RTTN: variants seen among roughly 807,000 people sequenced by gnomAD.
The protein encoded by RTTN is rotatin.
Under a neutral mutation model 269.2 loss-of-function variants are expected in RTTN, and 182 were observed. That is an observed-to-expected ratio of 0.68 (90% CI 0.60 to 0.76). The LOEUF (loss-of-function observed/expected upper bound fraction) is 0.76. Among genes scored for constraint, RTTN ranks in the 30% least tolerant of loss-of-function variants. The pLI, the probability that RTTN is intolerant of heterozygous loss-of-function variation, is 0.00. For missense variants in RTTN, 2,545 were observed against 2,608.6 expected, an observed-to-expected ratio of 0.98 and a Z score of 0.53; for synonymous variants, 1,006 against 963.5, an observed-to-expected ratio of 1.04 and a Z score of -0.82.
intron 13 of RTTN, chr18:70,166,644 G>C (rs2060994735): frequency 3.2e-6 from 1 of 309,242 alleles, no homozygotes; most frequent in Non-Finnish European, 5.9e-6. Context: ...TGTGTGAATA[G>C]TCTGGATGGA....
chr18:70,145,585 A>G, intron 18 of RTTN, 27 bp downstream of exon 18: 1 of 1,517,332 alleles, frequency 6.6e-7, no homozygotes, highest in East Asian at 2.3e-5. Flanking sequence ...ATTACCACAC[A>G]GTAATAAACT....
At chr18:70,030,160 G>A in intron 41 of RTTN, 51 bp from the exon 42 acceptor site, 1 of 1,239,456 alleles carries the variant, frequency 8.1e-7, no homozygotes, top group East Asian at 2.3e-5. Context: ...TTCCAAGTAA[G>A]TTATAACCAC....
At chr18:70,122,468 C>T (rs1017696343) in intron 25 of RTTN, among the ~76,000 whole-genome samples, 2 of 152,024 alleles carry the variant, frequency 1.3e-5, no homozygotes, top group Non-Finnish European at 2.9e-5. Context: ...AATCTTAATA[C>T]TCAGCATTTA....
At chr18:70,146,686 GAAT>G (rs2060402261) in intron 17 of RTTN, among the ~76,000 whole-genome samples, 1 of 152,166 alleles carries the variant, frequency 6.6e-6, no homozygotes, top group South Asian at 2.1e-4. Flanking sequence ...TAATAATAAA[GAAT>G]AATTGATAAT....
intron 11 of RTTN, among the ~76,000 whole-genome samples, chr18:70,174,451 C>T (rs750895699): frequency 9.9e-4 from 151 of 152,068 alleles, no homozygotes; most frequent in Non-Finnish European, 1.6e-3. Context: ...ATAATAAAAA[C>T]ATGTTTAAGC....
intron 23 of RTTN, among the ~76,000 whole-genome samples, chr18:70,134,000 G>T (rs866750492): frequency 3.3e-5 from 5 of 152,206 alleles, no homozygotes; most frequent in African/African-American, 1.2e-4. Context: ...CCATGTTATA[G>T]AATTATTTTT....
At chr18:70,164,285 T>A (rs1599858390) in intron 14 of RTTN, among the ~76,000 whole-genome samples, 1 of 76,986 alleles carries the variant, frequency 1.3e-5, no homozygotes, top group Admixed American at 1.8e-4. Flanking sequence ...TGATCACAGC[T>A]CTCTGTACCT....
intron 28 of RTTN, among the ~76,000 whole-genome samples, chr18:70,097,538 C>T (rs2059034430): frequency 6.6e-6 from 1 of 152,172 alleles, no homozygotes; most frequent in South Asian, 2.1e-4. Flanking sequence ...ATTTGCCTGC[C>T]ATTTAACATA....
rs1440201209 is a variant in RTTN, at chr18:70,188,237, C to A, written c.1190-14G>T. 4 of 1,400,828 alleles carry A rather than the reference C, an allele frequency of 2.9e-6. No homozygotes were observed. Among genetic ancestry groups the A allele is most frequent in the Middle Eastern group, 1.9e-4 (1 of 5,228 alleles). 86.8% of individuals were successfully genotyped at this position (1,400,828 alleles called of 1,614,324 possible). A position where few individuals can be genotyped will look rare whatever the true frequency, so the allele number is the denominator to read the frequency against. On this transcript the variant is annotated splice_polypyrimidine_tract_variant and intron_variant, in intron 9 of 48. Transcript: ENST00000640769. ...CTTGTCTGCTACCTAGGAATACAAACAGAAAAAAGTAAAGGAGAAGAAGTT... is the reference window on the plus strand; with the variant it reads ...CTTGTCTGCTACCTAGGAATACAAAAAGAAAAAAGTAAAGGAGAAGAAGTT...
chr18:70,013,413 C>CTG lies in RTTN; in HGVS notation c.6421+3992_6421+3993dup, dbSNP rs150097969. Among the ~76,000 whole-genome samples, 1,061 of 145,612 alleles carry CTG rather than the reference C, an allele frequency of 7.3e-3. 5 individuals are homozygous for CTG. The highest frequency in any genetic ancestry group is 0.02 in the African/African-American group (808 of 39,926). ...TACATATGTGTGTGTGTGTGTGTGT[C>CTG]TGTGTGTGTGTGTGTGTGTGTGAAT... On this transcript the variant is annotated intron_variant, in intron 46 of 48. Transcript: ENST00000640769.
Position 70,073,979 on chromosome 18 carries a change from A to C in RTTN, c.4580T>G (p.Phe1527Cys). The change falls in exon 34 of 49, where the codon TTC becomes TGC. Residue 1527 changes from phenylalanine to cysteine, a missense_variant. Coordinates refer to ENST00000640769, the MANE Select transcript of RTTN (RefSeq NM_173630.4). ...CCTAGATGGAGCCCTCCAAAACTTG[A>C]ATGAGTCATCTAAACCTGCAACAAC... ...SNDLNGLDDSFKFWRAPSRTS... is the reference protein window; with the variant it reads ...SNDLNGLDDSCKFWRAPSRTS... The C allele has an allele frequency of 6.2e-7, 1 of 1,611,136 alleles. No individual in the cohort carries two copies. The highest frequency in any genetic ancestry group is 8.5e-7 in the Non-Finnish European group (1 of 1,177,812).
At chr18:70,128,161 G>A (rs2145617459) in intron 24 of RTTN, 197 bp downstream of exon 24, 2 of 523,402 alleles carry the variant, frequency 3.8e-6, no homozygotes, top group Non-Finnish European at 6.7e-6. Flanking sequence ...TTCATTTAAA[G>A]TTTTCCCATA....
intron 39 of RTTN, among the ~76,000 whole-genome samples, chr18:70,048,816 G>A (rs1398697262): frequency 2.6e-5 from 4 of 151,728 alleles, no homozygotes; most frequent in African/African-American, 7.3e-5. Flanking sequence ...GAGTGACCAC[G>A]ACATGTTTTA....
chr18:70,107,843 T>C (rs1437929867), intron 28 of RTTN, among the ~76,000 whole-genome samples: 2 of 152,226 alleles, frequency 1.3e-5, no homozygotes, highest in Non-Finnish European at 2.9e-5. Context: ...ACATTAAAAG[T>C]GTAAGATGAT....
intron 26 of RTTN, among the ~76,000 whole-genome samples, chr18:70,114,982 T>A (rs2059567819): frequency 6.6e-6 from 1 of 152,022 alleles, no homozygotes; most frequent in Non-Finnish European, 1.5e-5. Context: ...GTAACCATTT[T>A]TTCCTACTTC....
intron 4 of RTTN, among the ~76,000 whole-genome samples, chr18:70,201,288 T>C (rs776405034): frequency 2.3e-4 from 35 of 152,158 alleles, no homozygotes; most frequent in Non-Finnish European, 4.4e-4. Context: ...ACATGTGTAG[T>C]GCAGGGCACA....
At position 70,047,981 on chromosome 18, in the gene RTTN, A is replaced by C; in HGVS notation, c.5531T>G (p.Val1844Gly). The change falls in exon 40 of 49, where the codon GTA becomes GGA. Residue 1844 changes from valine to glycine, a missense_variant. Val to Gly is a moderately radical substitution (Grantham distance 109, BLOSUM62 -3). Coordinates refer to ENST00000640769, the MANE Select transcript of RTTN (RefSeq NM_173630.4). ...CAAGAAATGACGTACCTGAAGGATTACATCACTAAGTTGTTCTAGAGATTT... is the reference window on the plus strand; with the variant it reads ...CAAGAAATGACGTACCTGAAGGATTCCATCACTAAGTTGTTCTAGAGATTT... ...NQKSLEQLSD[V>G]ILQCYEGKSS... The C allele has an allele frequency of 6.2e-7, 1 of 1,613,254 alleles. No individual in the cohort carries two copies. The highest frequency in any genetic ancestry group is 8.5e-7 in the Non-Finnish European group (1 of 1,179,234).
At chr18:70,044,564 T>C (rs949252964) in intron 40 of RTTN, among the ~76,000 whole-genome samples, 2 of 152,184 alleles carry the variant, frequency 1.3e-5, no homozygotes, top group African/African-American at 2.4e-5. Flanking sequence ...TATAAATATG[T>C]AACTACAATA....
intron 46 of RTTN, among the ~76,000 whole-genome samples, chr18:70,012,019 C>CAGCGTCTGCTCACTGGTGTTAGACAG (rs2056392951): frequency 3.4e-5 from 1 of 29,494 alleles, no homozygotes; most frequent in Non-Finnish European, 1.6e-4. Context: ...GTATTGGTTA[C>CAGCGTCTGCTCACTGGTGTTAGACAG]AGGGCAGCGT....
Sources: allele counts gnomAD v4.1 joint callset (sites outside exome capture counted in the v4.1 genomes callset), GRCh38; gene constraint gnomAD v4.1.1; transcripts MANE v1.5; gene names NCBI Gene and HGNC (gene_info 2026-07-23, HGNC 2026-07-21).